SWT1: variants seen among roughly 807,000 people sequenced by gnomAD.
The protein encoded by SWT1 is transcriptional protein SWT1.
Under a neutral mutation model 107.3 loss-of-function variants are expected in SWT1, and 33 were observed. The observed-to-expected ratio is 0.31, with a 90% CI of 0.23 to 0.41. The LOEUF is 0.41. SWT1 is among the 10% of genes least tolerant of loss of function. The pLI is 1.00. For synonymous variants in SWT1, 345 were observed against 348.3 expected (o/e 0.99, Z 0.11); for missense variants, 898 against 1,028.9 (o/e 0.87, Z 1.74).
rs1290045944 is a variant in SWT1 at position 185,187,051 on chromosome 1, A to G, written c.1429+2120A>G. ...ATTACAGGCGTGAGCCACCGCGCCC[A>G]GCTTTTTTTTTTTTTTTTTTTAAAA... is the stretch of plus-strand genomic sequence containing the variant. On this transcript the variant is annotated intron_variant, in intron 9 of 18. Coordinates refer to ENST00000367500, the MANE Select transcript of SWT1 (RefSeq NM_017673.7). 3.2e-3 allele frequency among the ~76,000 whole-genome samples: 264 copies of G among 81,420 alleles called. No individual in the cohort carries two copies. The East Asian group carries it at 0.057, about 18-fold the overall frequency. 53.4% of individuals were successfully genotyped at this position (81,420 alleles called of 152,430 possible).
intron 16 of SWT1, among the ~76,000 whole-genome samples, chr1:185,257,658 C>T (rs540232852): frequency 6.6e-6 from 1 of 152,208 alleles, no homozygotes; most frequent in African/African-American, 2.4e-5. Context: ...GTGCGCGCAC[C>T]CACTGACCTG....
intron 10 of SWT1, 74 bp from the exon 11 acceptor site, chr1:185,202,580 T>C (rs1657974910): frequency 7.8e-7 from 1 of 1,274,530 alleles, no homozygotes; most frequent in Non-Finnish European, 1.1e-6. Context: ...CTAGATCTCA[T>C]GTGTTTTGAT....
chr1:185,194,728 A>G (rs937350863), intron 10 of SWT1, among the ~76,000 whole-genome samples: 3 of 152,086 alleles, frequency 2.0e-5, no homozygotes, highest in East Asian at 1.9e-4. Context: ...TTTTATTGCT[A>G]GCATTTCCAT....
intron 11 of SWT1, 96 bp from the exon 12 acceptor site, chr1:185,204,604 A>G (rs1200374694): frequency 2.0e-6 from 1 of 509,006 alleles, no homozygotes; most frequent in Non-Finnish European, 3.3e-6. Flanking sequence ...TAAAATATAT[A>G]CATAAAATGT....
chr1:185,287,567 G>A (rs1403116152), intron 18 of SWT1, among the ~76,000 whole-genome samples: 1 of 152,194 alleles, frequency 6.6e-6, no homozygotes, highest in Non-Finnish European at 1.5e-5. Context: ...CTATCTAGCA[G>A]TGAACTGCGT....
At chr1:185,191,376 T>C (rs946873104) in intron 10 of SWT1, among the ~76,000 whole-genome samples, 2 of 152,188 alleles carry the variant, frequency 1.3e-5, no homozygotes, top group Non-Finnish European at 2.9e-5. Flanking sequence ...AGAGCAATTT[T>C]AATTTGCAGT....
chr1:185,254,852 G>A (rs1247800721), intron 16 of SWT1, among the ~76,000 whole-genome samples: 2 of 151,746 alleles, frequency 1.3e-5, no homozygotes, highest in Non-Finnish European at 2.9e-5. Context: ...TGCTTTTCTA[G>A]TTCTTTTAAT....
At chr1:185,179,550 A>G (rs1412922656) in intron 5 of SWT1, among the ~76,000 whole-genome samples, 1 of 152,122 alleles carries the variant, frequency 6.6e-6, no homozygotes, top group African/African-American at 2.4e-5. Flanking sequence ...ATAACCGTGC[A>G]TTGTTCAGCT....
At chr1:185,220,138 CAAAAAA>C (rs34674504) in intron 14 of SWT1, among the ~76,000 whole-genome samples, 3 of 45,634 alleles carry the variant, frequency 6.6e-5, no homozygotes, top group Admixed American at 3.2e-4. Flanking sequence ...GACCCTGTCT[CAAAAAA>C]AAAAAAAAAA....
At chr1:185,197,032 G>A (rs1657453123) in intron 10 of SWT1, among the ~76,000 whole-genome samples, 1 of 152,148 alleles carries the variant, frequency 6.6e-6, no homozygotes, top group African/African-American at 2.4e-5. Flanking sequence ...TTTTGTGCCG[G>A]TTTTCAAAGG....
At chr1:185,249,387 G>A (rs921574040) in intron 16 of SWT1, among the ~76,000 whole-genome samples, 5 of 152,088 alleles carry the variant, frequency 3.3e-5, no homozygotes, top group African/African-American at 9.7e-5. Context: ...GAGAGATCTC[G>A]TGTGGCCATC....
intron 9 of SWT1, among the ~76,000 whole-genome samples, chr1:185,190,299 A>G (rs183147955): frequency 3.7e-4 from 56 of 152,272 alleles, no homozygotes; most frequent in Admixed American, 7.9e-4. Context: ...TACCTTTGTT[A>G]TAGTTGATGA....
chr1:185,247,567 C>T (rs1189765999), intron 16 of SWT1, among the ~76,000 whole-genome samples: 1 of 152,134 alleles, frequency 6.6e-6, no homozygotes, highest in African/African-American at 2.4e-5. Context: ...GAAGCTACCT[C>T]AATTATAAGG....
At chr1:185,250,338 G>A (rs1023186977) in intron 16 of SWT1, among the ~76,000 whole-genome samples, 1 of 152,130 alleles carries the variant, frequency 6.6e-6, no homozygotes, top group African/African-American at 2.4e-5. Flanking sequence ...ATTCTAAGAG[G>A]CACTTTAGCT....
At chr1:185,172,077 C>T (rs1267725631) in intron 4 of SWT1, among the ~76,000 whole-genome samples, 1 of 152,166 alleles carries the variant, frequency 6.6e-6, no homozygotes, top group African/African-American at 2.4e-5. Context: ...AGGGTAAAGA[C>T]TCTATCTGCT....
intron 16 of SWT1, among the ~76,000 whole-genome samples, chr1:185,268,853 CT>C (rs71101966): frequency 0.014 from 1,818 of 134,532 alleles, 16 homozygotes; most frequent in Non-Finnish European, 0.021. Context: ...TTCTTTTTCT[CT>C]TTTTTTTTTT....
intron 10 of SWT1, among the ~76,000 whole-genome samples, chr1:185,198,938 A>C (rs1174393068): frequency 4.6e-5 from 6 of 129,906 alleles, no homozygotes; most frequent in African/African-American, 1.7e-4. Flanking sequence ...GCTCGTTTAC[A>C]TTTTTTTTTT....
intron 18 of SWT1, among the ~76,000 whole-genome samples, chr1:185,286,613 C>T (rs950346351): frequency 6.6e-6 from 1 of 152,038 alleles, no homozygotes; most frequent in Non-Finnish European, 1.5e-5. Context: ...ATTTCCTTTT[C>T]TGCTTGTTCA....
At chr1:185,278,998 C>A (rs1664439021) in intron 18 of SWT1, among the ~76,000 whole-genome samples, 1 of 152,166 alleles carries the variant, frequency 6.6e-6, no homozygotes, top group African/African-American at 2.4e-5. Flanking sequence ...ACAAATGTTT[C>A]AACACAACTA....
Sources: allele counts gnomAD v4.1 joint callset (sites outside exome capture counted in the v4.1 genomes callset), GRCh38; gene constraint gnomAD v4.1.1; transcripts MANE v1.5; gene names NCBI Gene and HGNC (gene_info 2026-07-23, HGNC 2026-07-21).